ZCCHC9: variants seen among roughly 807,000 people sequenced by gnomAD.
ZCCHC9 encodes zinc finger CCHC-type containing 9.
In ZCCHC9, 18 loss-of-function variants were observed where a neutral mutation model predicts 30.8. That is an observed-to-expected ratio of 0.58 (90% CI 0.40 to 0.87). The LOEUF is 0.87. Among genes scored for constraint, ZCCHC9 ranks in the 40% least tolerant of loss-of-function variants. The pLI, the probability that ZCCHC9 is intolerant of heterozygous loss-of-function variation, is 0.00. For synonymous variants in ZCCHC9, 94 were observed against 106.7 expected (o/e 0.88, Z 0.73); for missense variants, 279 against 331.2 (o/e 0.84, Z 1.22).
chr5:81,307,397 C>G (rs1331383315), intron 2 of ZCCHC9, among the ~76,000 whole-genome samples: 3 of 152,184 alleles, frequency 2.0e-5, no homozygotes, highest in Non-Finnish European at 4.4e-5. Flanking sequence ...TGTGGTGGCT[C>G]ATGCCTGTAA....
rs1757959201 is a variant in ZCCHC9, at chr5:81,301,694, G to C, written c.-22G>C. 6.6e-6 allele frequency: 1 copy of C among 152,428 alleles called. No homozygotes were observed. 9.4% of individuals were successfully genotyped at this position (152,428 alleles called of 1,614,324 possible). A position where few individuals can be genotyped will look rare whatever the true frequency, so the allele number is the denominator to read the frequency against. ...CGGTAAGAAGCTGCGCGGTAGCGCGGTGAGGTGAGGTTCTCAGCCACCAAA... is the reference window on the plus strand; with the variant it reads ...CGGTAAGAAGCTGCGCGGTAGCGCGCTGAGGTGAGGTTCTCAGCCACCAAA... On this transcript the variant is annotated 5_prime_UTR_variant, in exon 1 of 6. Coordinates refer to ENST00000407610, the MANE Select transcript of ZCCHC9 (RefSeq NM_001131035.2).
At chr5:81,310,197 A>C (rs1314815927) in intron 4 of ZCCHC9, among the ~76,000 whole-genome samples, 2 of 149,600 alleles carry the variant, frequency 1.3e-5, no homozygotes, top group Non-Finnish European at 3.0e-5. Flanking sequence ...CAGCAAGGAG[A>C]GTAGATCCCA....
Position 81,304,226 on chromosome 5 carries a change from C to T in ZCCHC9, c.-17-515C>T, listed in dbSNP as rs551416125. ...ATGGTAAACACTTTTATATGTTTTA[C>T]TTATAACTTTGCCAGGAAATTTCAA... On this transcript the variant is annotated intron_variant, in intron 1 of 5. Transcript: ENST00000407610. 3.3e-5 allele frequency: 5 copies of T among 152,496 alleles called. No individual in the cohort carries two copies. In the South Asian group the frequency reaches 8.3e-4, roughly 25 times the overall value. 9.4% of individuals were successfully genotyped at this position (152,496 alleles called of 1,614,324 possible). A position where few individuals can be genotyped will look rare whatever the true frequency, so the allele number is the denominator to read the frequency against.
rs183593473 is a variant in ZCCHC9 at position 81,302,317 on chromosome 5, A to G, written c.-18+619A>G. ...TGAAACCCCTTCTCTACTAAAATAC[A>G]AAAAATTAGCTGGGCGTGGTGGCAC... On this transcript the variant is annotated intron_variant, in intron 1 of 5. Transcript: ENST00000407610. The G allele has an allele frequency of 3.9e-5, 6 of 152,324 alleles. No homozygotes were observed. The East Asian group carries it at 1.2e-3, about 29-fold the overall frequency. 9.4% of individuals were successfully genotyped at this position (152,324 alleles called of 1,614,324 possible). A position where few individuals can be genotyped will look rare whatever the true frequency, so the allele number is the denominator to read the frequency against.
chr5:81,307,513 C>T (rs979718307), intron 2 of ZCCHC9, among the ~76,000 whole-genome samples: 4 of 151,034 alleles, frequency 2.6e-5, no homozygotes, highest in Non-Finnish European at 5.9e-5. Context: ...ATTAGCTGGG[C>T]GTGGTGGTGC....
chr5:81,310,841 G>A (rs1343066044), intron 4 of ZCCHC9, among the ~76,000 whole-genome samples: 2 of 152,230 alleles, frequency 1.3e-5, no homozygotes, highest in Non-Finnish European at 2.9e-5. Flanking sequence ...ATTCAGGAAA[G>A]TGCATCTGCT....
At chr5:81,308,058 T>TA (rs1561305989) in intron 2 of ZCCHC9, among the ~76,000 whole-genome samples, 1 of 147,292 alleles carries the variant, frequency 6.8e-6, no homozygotes. Context: ...TCTATCTATC[T>TA]TATGGTTTGA....
At chr5:81,312,325 T>G (rs1293069204) in intron 5 of ZCCHC9, among the ~76,000 whole-genome samples, 1 of 152,236 alleles carries the variant, frequency 6.6e-6, no homozygotes, top group East Asian at 1.9e-4. Flanking sequence ...GCAAAGTAGT[T>G]GCTGCATTTC....
Position 81,308,565 on chromosome 5 carries a change from G to A in ZCCHC9, c.389G>A (p.Cys130Tyr). ...ACCTACGTTTTGTTTTCCTAGGTGTGTTTCCATTGTAGAAAACCTGGTCAT... is the reference window on the plus strand; with the variant it reads ...ACCTACGTTTTGTTTTCCTAGGTGTATTTCCATTGTAGAAAACCTGGTCAT... Reference protein sequence around the residue: ...RQAAKKNAMVCFHCRKPGHGI... With the variant: ...RQAAKKNAMVYFHCRKPGHGI... Residue 130 changes from cysteine to tyrosine, a missense_variant, in exon 3 of 6, where the codon TGT (cysteine) becomes TAT (tyrosine). Cys to Tyr is a radical substitution (Grantham distance 194). Transcript: ENST00000407610. The A allele has an allele frequency of 6.2e-7, 1 of 1,610,926 alleles. No homozygotes were observed. Among genetic ancestry groups the A allele is most frequent in the Non-Finnish European group, 8.5e-7 (1 of 1,178,920 alleles).
At chr5:81,304,498 C>A (rs929190183) in intron 1 of ZCCHC9, 4 of 311,124 alleles carry the variant, frequency 1.3e-5, no homozygotes, top group African/African-American at 6.4e-5. Context: ...TTTAAGCACA[C>A]CTTTTTTAAC....
intron 5 of ZCCHC9, among the ~76,000 whole-genome samples, chr5:81,311,884 T>C (rs1758299375): frequency 6.6e-6 from 1 of 152,196 alleles, no homozygotes; most frequent in African/African-American, 2.4e-5. Flanking sequence ...GATAATCCTA[T>C]GTGAAGGAAA....
chr5:81,311,212 T>C lies in ZCCHC9; in HGVS notation c.630T>C (p.Gly210=), dbSNP rs1434321287. ...PDNPKGLYAD[G]GGCKLCGSVE... Reference sequence around the variant, plus strand: ...TCAGTGGCTTTGCTCTTTCAATAGGTGGCGGTTGCAAACTTTGTGGCTCTG... The same window carrying C: ...TCAGTGGCTTTGCTCTTTCAATAGGCGGCGGTTGCAAACTTTGTGGCTCTG... Residue 210 remains glycine (G), a splice_region_variant and synonymous_variant, in exon 5 of 6, where the codon GGT becomes GGC. Transcript: ENST00000407610. 3.1e-6 allele frequency: 5 copies of C among 1,614,058 alleles called. No homozygotes were observed. In the South Asian group the frequency reaches 5.5e-5, roughly 18 times the overall value.
intron 1 of ZCCHC9, 90 bp downstream of exon 1, chr5:81,301,788 G>A (rs1484846238): frequency 5.2e-5 from 8 of 152,738 alleles, no homozygotes; most frequent in Non-Finnish European, 1.0e-4. Context: ...GAGGACAGAA[G>A]GCTTAGCCGC....
intron 5 of ZCCHC9, among the ~76,000 whole-genome samples, chr5:81,311,669 C>T (rs1385117885): frequency 6.6e-6 from 1 of 152,124 alleles, no homozygotes; most frequent in African/African-American, 2.4e-5. Context: ...GTATGCTTTG[C>T]TTTGTATGTA....
intron 4 of ZCCHC9, among the ~76,000 whole-genome samples, chr5:81,309,948 T>C (rs1758223099): frequency 6.6e-6 from 1 of 152,112 alleles, no homozygotes; most frequent in African/African-American, 2.4e-5. Flanking sequence ...AGTGGTGTCT[T>C]AGAGTTGATG....
At chr5:81,308,020 AAAATCTATCT>A in intron 2 of ZCCHC9, among the ~76,000 whole-genome samples, 1 of 21,558 alleles carries the variant, frequency 4.6e-5, no homozygotes, top group African/African-American at 1.2e-4. Context: ...AAAAAAAAAA[AAAATCTATCT>A]ATCTATCTAT....
chr5:81,312,798 C>G lies in ZCCHC9; in HGVS notation c.*136C>G, dbSNP rs1758333300. On this transcript the variant is annotated 3_prime_UTR_variant, in exon 6 of 6. Coordinates refer to ENST00000407610, the MANE Select transcript of ZCCHC9 (RefSeq NM_001131035.2). ...AGTATGATCTGGGTGTGGCCAAAAA[C>G]AATTTTCTTTATTCTGTCTATCAAA... The G allele has an allele frequency of 1.6e-6, 1 of 607,940 alleles. No individual in the cohort carries two copies. Among genetic ancestry groups the G allele is most frequent in the East Asian group, 2.8e-5 (1 of 36,168 alleles). 37.7% of individuals were successfully genotyped at this position (607,940 alleles called of 1,614,324 possible).
At chr5:81,305,810 T>A (rs769565866) in intron 2 of ZCCHC9, among the ~76,000 whole-genome samples, 1 of 152,140 alleles carries the variant, frequency 6.6e-6, no homozygotes, top group Non-Finnish European at 1.5e-5. Flanking sequence ...TTTTTCAAAT[T>A]AGCATTGAGA....
chr5:81,304,900 C>T lies in ZCCHC9; in HGVS notation c.143C>T (p.Ser48Phe), dbSNP rs759844783. ...KRKQLEANRL[S>F]LKNDAPQAKH... Reference sequence around the variant, plus strand: ...AAACAACTTGAAGCCAATAGGCTATCCCTCAAAAATGATGCACCCCAAGCA... The same window carrying T: ...AAACAACTTGAAGCCAATAGGCTATTCCTCAAAAATGATGCACCCCAAGCA... Residue 48 changes from serine (S) to phenylalanine (F), a missense_variant, in exon 2 of 6, where the codon TCC becomes TTC. Transcript: ENST00000407610. 2 of 1,613,720 alleles carry T rather than the reference C, an allele frequency of 1.2e-6. No homozygotes were observed. Among genetic ancestry groups the T allele is most frequent in the South Asian group, 1.1e-5 (1 of 91,066 alleles).
Sources: allele counts gnomAD v4.1 joint callset (sites outside exome capture counted in the v4.1 genomes callset), GRCh38; gene constraint gnomAD v4.1.1; transcripts MANE v1.5; gene names NCBI Gene and HGNC (gene_info 2026-07-23, HGNC 2026-07-21).